Variants in NRXN3 observed in about 807,000 individuals in gnomAD.
The protein encoded by NRXN3 is neurexin 3.
NRXN3 carries 32 observed loss-of-function variants against 137.6 expected under a neutral mutation model. The ratio of observed to expected loss-of-function variants is 0.23; its 90% CI spans 0.18 to 0.31. The LOEUF is 0.31. NRXN3 is among the 10% of genes least tolerant of loss of function. The probability of loss-of-function intolerance (pLI) is 1.00; values close to 1 mark genes in which losing one functional copy is unlikely to be tolerated. For synonymous variants in NRXN3, 798 were observed against 784.5 expected (o/e 1.02, Z -0.29); for missense variants, 1,574 against 2,062.5 (o/e 0.76, Z 4.59).
chr14:79,852,737 T>C (rs1273450736), intron 20 of NRXN3, among the ~76,000 whole-genome samples: 1 of 152,134 alleles, frequency 6.6e-6, no homozygotes, highest in African/African-American at 2.4e-5. Flanking sequence ...CCCTGACTGC[T>C]CTGTCTGTGC....
chr14:79,532,017 G>A (rs927735442), intron 16 of NRXN3, among the ~76,000 whole-genome samples: 5 of 152,080 alleles, frequency 3.3e-5, no homozygotes, highest in African/African-American at 7.2e-5. Context: ...GCAATGTTCC[G>A]TGATCAGGGG....
intron 15 of NRXN3, among the ~76,000 whole-genome samples, chr14:79,002,576 C>T (rs796469717): frequency 2.0e-5 from 3 of 152,156 alleles, no homozygotes; most frequent in African/African-American, 7.2e-5. Context: ...GCATAGTATT[C>T]CGTGGTGTAT....
chr14:79,756,644 G>T (rs2099020618), intron 19 of NRXN3, among the ~76,000 whole-genome samples: 1 of 152,134 alleles, frequency 6.6e-6, no homozygotes, highest in Non-Finnish European at 1.5e-5. Flanking sequence ...GCCAGTAACA[G>T]GGAGTTTTCC....
chr14:78,483,951 C>G (rs945845533), intron 4 of NRXN3, among the ~76,000 whole-genome samples: 1 of 144,732 alleles, frequency 6.9e-6, no homozygotes, highest in Non-Finnish European at 1.5e-5. Context: ...GCAAGCCATT[C>G]ATTTTTCAGC....
At chr14:78,421,996 C>T (rs919334223) in intron 4 of NRXN3, among the ~76,000 whole-genome samples, 1 of 152,172 alleles carries the variant, frequency 6.6e-6, no homozygotes, top group Admixed American at 6.5e-5. Context: ...CTAGATGCTC[C>T]GTTTATTAGT....
At chr14:78,753,571 T>C (rs544575994) in intron 8 of NRXN3, among the ~76,000 whole-genome samples, 1 of 152,296 alleles carries the variant, frequency 6.6e-6, no homozygotes, top group South Asian at 2.1e-4. Context: ...CAGTGAATAA[T>C]GATGATAATG....
In NRXN3 at chr14:79,133,769, C is replaced by CA. The variant is rs372979067; in HGVS notation, c.3262+145638dup. Among the ~76,000 whole-genome samples the CA allele has an allele frequency of 1.7e-3, 243 of 146,734 alleles. 1 individual carries two copies. Among genetic ancestry groups the CA allele is most frequent in the Middle Eastern group, 3.5e-3 (1 of 286 alleles). ...TGAAATCCTGTCTCTACTAAAAATA[C>CA]AAAAAAAAAATTAGGTGGGCGTGGT... On this transcript the variant is annotated intron_variant, in intron 15 of 20. Coordinates refer to ENST00000335750, the MANE Select transcript of NRXN3 (RefSeq NM_001330195.2).
intron 20 of NRXN3, among the ~76,000 whole-genome samples, chr14:79,855,003 A>G (rs182546575): frequency 1.3e-5 from 2 of 152,288 alleles, no homozygotes; most frequent in Admixed American, 6.5e-5. Flanking sequence ...CACAGAAGGC[A>G]CACACACATT....
intron 15 of NRXN3, among the ~76,000 whole-genome samples, chr14:79,263,846 T>C (rs2078014246): frequency 6.6e-6 from 1 of 152,104 alleles, no homozygotes; most frequent in Admixed American, 6.6e-5. Flanking sequence ...TCACAGACTG[T>C]GGTGTAAATG....
chr14:78,207,448 C>T (rs1005834291), intron 1 of NRXN3, among the ~76,000 whole-genome samples: 5 of 152,112 alleles, frequency 3.3e-5, no homozygotes, highest in Admixed American at 2.6e-4. Flanking sequence ...CTTATATTAC[C>T]GGGCTTCTGG....
intron 15 of NRXN3, among the ~76,000 whole-genome samples, chr14:79,342,029 A>T (rs1374864799): frequency 6.6e-6 from 1 of 152,202 alleles, no homozygotes; most frequent in African/African-American, 2.4e-5. Context: ...TTTTGTCTAG[A>T]CCTAATGCAT....
intron 3 of NRXN3, among the ~76,000 whole-genome samples, chr14:78,284,286 C>A (rs187894481): frequency 3.3e-5 from 5 of 152,312 alleles, no homozygotes; most frequent in African/African-American, 1.2e-4. Flanking sequence ...TCATCTCTCA[C>A]CTTTCTGTGA....
At position 78,364,897 on chromosome 14, in the gene NRXN3, C is replaced by G. The variant is rs144881262; in HGVS notation, c.757+67037C>G. ...TTCCACGGTGAAAACACTAAAGGTA[C>G]GTTCAGAACCGATACAAACTCATCC... On this transcript the variant is annotated intron_variant, in intron 4 of 20. Coordinates refer to ENST00000335750, the MANE Select transcript of NRXN3 (RefSeq NM_001330195.2). 4.3e-3 allele frequency among the ~76,000 whole-genome samples: 661 copies of G among 152,198 alleles called. 3 individuals are homozygous for G. Among genetic ancestry groups the G allele is most frequent in the Non-Finnish European group, 7.8e-3 (531 of 68,000 alleles).
chr14:79,701,428 C>A (rs535716533), intron 19 of NRXN3, among the ~76,000 whole-genome samples: 2 of 152,060 alleles, frequency 1.3e-5, no homozygotes, highest in Non-Finnish European at 1.5e-5. Flanking sequence ...CTGACTTTGC[C>A]TGGAGGGTCT....
chr14:78,739,079 C>T (rs1240065429), intron 8 of NRXN3, among the ~76,000 whole-genome samples: 2 of 152,254 alleles, frequency 1.3e-5, no homozygotes, highest in Non-Finnish European at 2.9e-5. Context: ...TATTCTCCGT[C>T]ATAAGTTCTC....
intron 10 of NRXN3, among the ~76,000 whole-genome samples, chr14:78,886,628 A>G (rs2099144572): frequency 6.6e-6 from 1 of 152,164 alleles, no homozygotes; most frequent in Non-Finnish European, 1.5e-5. Context: ...AGGAAAAAAC[A>G]TTAATATAAA....
intron 15 of NRXN3, among the ~76,000 whole-genome samples, chr14:79,096,507 A>G (rs1162890414): frequency 6.6e-6 from 1 of 152,036 alleles, no homozygotes; most frequent in Non-Finnish European, 1.5e-5. Flanking sequence ...CACCACTAAT[A>G]ACTATGAGAC....
chr14:79,615,041 A>T (rs1212663909), intron 16 of NRXN3, among the ~76,000 whole-genome samples: 1 of 152,186 alleles, frequency 6.6e-6, no homozygotes, highest in Non-Finnish European at 1.5e-5. Context: ...CAAAGCAATT[A>T]GGAGTGTAGG....
chr14:78,482,628 C>G (rs776326942), intron 4 of NRXN3, among the ~76,000 whole-genome samples: 122 of 152,252 alleles, frequency 8.0e-4, no homozygotes, highest in Non-Finnish European at 1.5e-3. Flanking sequence ...TCAACAAGGA[C>G]TTTAGACTAA....
Sources: gnomAD v4.1 joint callset for allele counts (sites outside exome capture counted in the v4.1 genomes callset) on GRCh38, gnomAD v4.1.1 for gene constraint, MANE v1.5 for transcripts, NCBI Gene and HGNC (gene_info 2026-07-23, HGNC 2026-07-21) for gene names.